VPS37C: variants seen among roughly 807,000 people sequenced by gnomAD.
The protein encoded by VPS37C is vacuolar protein sorting-associated protein 37C.
Under a neutral mutation model 16.1 loss-of-function variants are expected in VPS37C, and 9 were observed. The ratio of observed to expected loss-of-function variants is 0.56; its 90% CI spans 0.34 to 0.97. The LOEUF (loss-of-function observed/expected upper bound fraction) is 0.97, where lower values mean the gene tolerates loss of function less well. Ranked by LOEUF, VPS37C falls within the 50% of genes least tolerant of loss-of-function variation. The pLI, the probability that VPS37C is intolerant of heterozygous loss-of-function variation, is 0.02. For missense variants in VPS37C, 479 were observed against 472.7 expected, an observed-to-expected ratio of 1.01 and a Z score of -0.12; for synonymous variants, 207 against 206.4, an observed-to-expected ratio of 1.00 and a Z score of -0.02.
At chr11:61,160,331 C>T (rs7125216) in intron 1 of VPS37C, among the ~76,000 whole-genome samples, 88,106 of 152,010 alleles carry the variant, frequency 0.58, 26,239 homozygotes, top group East Asian at 0.99. Context: ...CAGGTGTCTG[C>T]AGGGTTGCAG....
chr11:61,159,878 G>T (rs1285522657), intron 1 of VPS37C, among the ~76,000 whole-genome samples: 3 of 139,266 alleles, frequency 2.2e-5, no homozygotes, highest in Admixed American at 7.6e-5. Context: ...CTCCAGCCTG[G>T]GCGACAGATC....
chr11:61,140,752 T>C (rs1861460372), intron 1 of VPS37C, among the ~76,000 whole-genome samples: 1 of 152,234 alleles, frequency 6.6e-6, no homozygotes, highest in South Asian at 2.1e-4. Context: ...ACGTCAGTTT[T>C]CCCTGAGCTG....
In VPS37C at chr11:61,138,770, C is replaced by G; in HGVS notation, c.60G>C (p.Glu20Asp). 6.2e-7 allele frequency: 1 copy of G among 1,614,176 alleles called. No individual in the cohort carries two copies. The highest frequency in any genetic ancestry group is 1.1e-5 in the South Asian group (1 of 91,080). Residue 20 changes from glutamate (E) to aspartate (D), a missense_variant, in exon 2 of 5, where the codon GAG becomes GAC. Glu to Asp is a conservative substitution (Grantham distance 45). Coordinates refer to ENST00000301765, the MANE Select transcript of VPS37C (RefSeq NM_017966.5). ...QELEELQNDSEAIDQLALESP... is the reference protein window; with the variant it reads ...QELEELQNDSDAIDQLALESP... ...ACTCCAGGGCCAGCTGGTCAATCGCCTCCGAGTCATTCTGCAACTCCTCCA... is the reference window on the plus strand; with the variant it reads ...ACTCCAGGGCCAGCTGGTCAATCGCGTCCGAGTCATTCTGCAACTCCTCCA...
chr11:61,132,705 G>A (rs1861294261), intron 4 of VPS37C, 166 bp from the exon 5 acceptor site: 1 of 884,950 alleles, frequency 1.1e-6, no homozygotes, highest in Non-Finnish European at 1.7e-6. Flanking sequence ...TATGGTACAT[G>A]CACTGTCTCC....
At chr11:61,136,293 GCTCCCT>G (rs1861373027) in intron 2 of VPS37C, among the ~76,000 whole-genome samples, 5 of 149,576 alleles carry the variant, frequency 3.3e-5, no homozygotes, top group Admixed American at 2.0e-4. Context: ...AGCCTCCCTT[GCTCCCT>G]TGTAGCTGGG....
In VPS37C at chr11:61,130,387, A is replaced by G; in HGVS notation, c.*1433T>C. 2 of 159,538 alleles carry G rather than the reference A, an allele frequency of 1.3e-5. No homozygotes were observed. Among genetic ancestry groups the G allele is most frequent in the Non-Finnish European group, 2.7e-5 (2 of 72,746 alleles). 9.9% of individuals were successfully genotyped at this position (159,538 alleles called of 1,614,324 possible). ...CTTTATAAATAACTTAGGAGAAGCA[A>G]GCACATTTGGTAAAGAACCGGCAGC... is the stretch of plus-strand genomic sequence containing the variant. On this transcript the variant is annotated 3_prime_UTR_variant, in exon 5 of 5. Transcript: ENST00000301765.
intron 1 of VPS37C, among the ~76,000 whole-genome samples, chr11:61,154,649 T>G (rs1174860664): frequency 6.6e-6 from 1 of 151,604 alleles, no homozygotes; most frequent in Admixed American, 6.6e-5. Context: ...GAAAAGGGAA[T>G]AAAAAAAATA....
intron 1 of VPS37C, among the ~76,000 whole-genome samples, chr11:61,156,343 T>A (rs1853375732): frequency 6.6e-6 from 1 of 152,046 alleles, no homozygotes. Context: ...ACCCAGCACT[T>A]TGGGAGGGGT....
chr11:61,157,440 G>A (rs1460209021), intron 1 of VPS37C, among the ~76,000 whole-genome samples: 1 of 151,710 alleles, frequency 6.6e-6, no homozygotes, highest in African/African-American at 2.4e-5. Flanking sequence ...CCATCCTAAT[G>A]GGTGAAGTGG....
intron 1 of VPS37C, among the ~76,000 whole-genome samples, chr11:61,157,241 T>G (rs1480754767): frequency 1.3e-5 from 2 of 152,248 alleles, no homozygotes; most frequent in Non-Finnish European, 2.9e-5. Context: ...TTTCCCTTAT[T>G]TTCGTATATA....
intron 1 of VPS37C, among the ~76,000 whole-genome samples, chr11:61,148,181 A>G (rs1056271701): frequency 1.3e-5 from 2 of 152,164 alleles, no homozygotes; most frequent in African/African-American, 4.8e-5. Context: ...TCCAGCCTCC[A>G]CCAGCTCCAG....
At chr11:61,156,325 G>A (rs987678369) in intron 1 of VPS37C, among the ~76,000 whole-genome samples, 1 of 152,154 alleles carries the variant, frequency 6.6e-6, no homozygotes, top group Non-Finnish European at 1.5e-5. Context: ...AGTTGTTCAC[G>A]CCTGTAAACC....
At position 61,131,848 on chromosome 11, in the gene VPS37C, G is replaced by T. The variant is rs765654203; in HGVS notation, c.1040C>A (p.Pro347Gln). 1 of 1,261,840 alleles carries T rather than the reference G, an allele frequency of 7.9e-7. No individual in the cohort carries two copies. 78.2% of individuals were successfully genotyped at this position (1,261,840 alleles called of 1,614,324 possible). The change falls in exon 5 of 5, where the codon CCG (proline) becomes CAG (glutamine). Residue 347 changes from proline (P) to glutamine (Q), a missense_variant. Transcript: ENST00000301765. ...ATACCCAGGCCAGGCAGGCCCCGGCGGTGGTGGGAACCCATAGGGAGGGGC... is the reference window on the plus strand; with the variant it reads ...ATACCCAGGCCAGGCAGGCCCCGGCTGTGGTGGGAACCCATAGGGAGGGGC... ...GPAPPYGFPP[P>Q]PGPAWPGY
chr11:61,139,755 T>TTG (rs1336261074), intron 1 of VPS37C, among the ~76,000 whole-genome samples: 1 of 151,364 alleles, frequency 6.6e-6, no homozygotes, highest in East Asian at 1.9e-4. Flanking sequence ...TTTTTTTTTT[T>TTG]TTTTTTGAGA....
At chr11:61,160,487 A>C (rs1278380346) in intron 1 of VPS37C, among the ~76,000 whole-genome samples, 1 of 152,178 alleles carries the variant, frequency 6.6e-6, no homozygotes, top group Non-Finnish European at 1.5e-5. Context: ...GAGCCAATAA[A>C]GAGGGTGGAA....
At chr11:61,135,949 C>T (rs983477279) in intron 2 of VPS37C, among the ~76,000 whole-genome samples, 2 of 152,218 alleles carry the variant, frequency 1.3e-5, no homozygotes, top group African/African-American at 2.4e-5. Flanking sequence ...AGCCTTCTTA[C>T]ATCTTTCTCC....
Position 61,131,705 on chromosome 11 carries a change from C to T in VPS37C, c.*115G>A. On this transcript the variant is annotated 3_prime_UTR_variant, in exon 5 of 5. Coordinates refer to ENST00000301765, the MANE Select transcript of VPS37C (RefSeq NM_017966.5). The stretch of plus-strand genomic sequence containing the variant: ...CCTCCAAGGCCTCTGGGTGCCGACG[C>T]AAGTCCACAGGGAGCACCAACGCCA... The T allele has an allele frequency of 8.2e-7, 1 of 1,224,962 alleles. No individual in the cohort carries two copies. The highest frequency in any genetic ancestry group is 1.0e-6 in the Non-Finnish European group (1 of 981,852). The allele number at this position is 1,224,962 out of a possible 1,614,324, so 75.9% of individuals were successfully genotyped here.
chr11:61,145,594 T>A (rs1439126320), intron 1 of VPS37C: 1 of 152,266 alleles, frequency 6.6e-6, no homozygotes, highest in Non-Finnish European at 1.5e-5. Flanking sequence ...CTTCCCTGGG[T>A]CCCTAATATG....
Position 61,133,148 on chromosome 11 carries a change from G to C in VPS37C, c.348+107C>G, listed in dbSNP as rs1473299048. 5 of 1,267,938 alleles carry C rather than the reference G, an allele frequency of 3.9e-6. No individual in the cohort carries two copies. In the South Asian group the frequency reaches 5.0e-5, roughly 13 times the overall value. The allele number at this position is 1,267,938 out of a possible 1,614,324, so 78.5% of individuals were successfully genotyped here. A position where few individuals can be genotyped will look rare whatever the true frequency, so the allele number is the denominator to read the frequency against. ...TCCTTCACCTCTGCCATCTACGAAA[G>C]CTCCCTTGTTCCATGCTTTGCAGAC... On this transcript the variant is annotated intron_variant, in intron 4 of 4. Transcript: ENST00000301765.
Sources: gnomAD v4.1 joint callset for allele counts (sites outside exome capture counted in the v4.1 genomes callset) on GRCh38, gnomAD v4.1.1 for gene constraint, MANE v1.5 for transcripts, NCBI Gene and HGNC (gene_info 2026-07-23, HGNC 2026-07-21) for gene names.